Variants in ENPP6 observed in about 807,000 individuals in gnomAD.
ENPP6 encodes glycerophosphocholine cholinephosphodiesterase ENPP6.
Under a neutral mutation model 42.0 loss-of-function variants are expected in ENPP6, and 32 were observed. That is an observed-to-expected ratio of 0.76 (90% CI 0.58 to 1.02). ENPP6 has a LOEUF of 1.02. Ranked by LOEUF, ENPP6 falls within the 50% of genes least tolerant of loss-of-function variation. The probability of loss-of-function intolerance (pLI) is 0.00; values close to 1 mark genes in which losing one functional copy is unlikely to be tolerated. For missense variants in ENPP6, 552 were observed against 566.8 expected, an observed-to-expected ratio of 0.97 and a Z score of 0.27; for synonymous variants, 213 against 216.0, an observed-to-expected ratio of 0.99 and a Z score of 0.12.
intron 5 of ENPP6, 116 bp downstream of exon 5, chr4:184,116,740 A>G: frequency 4.3e-6 from 6 of 1,406,588 alleles, no homozygotes; most frequent in Non-Finnish European, 5.8e-6. Flanking sequence ...CCTCAAAAAA[A>G]GAAACAAACA....
chr4:184,117,158 C>T, intron 4 of ENPP6, 123 bp from the exon 5 acceptor site: 2 of 1,235,016 alleles, frequency 1.6e-6, no homozygotes, highest in Non-Finnish European at 2.3e-6. Flanking sequence ...TAATCTTCTA[C>T]TATTTTGCCC....
chr4:184,091,486 G>T, intron 7 of ENPP6, 104 bp from the exon 8 acceptor site: 1 of 1,083,626 alleles, frequency 9.2e-7, no homozygotes, highest in Non-Finnish European at 1.3e-6. Flanking sequence ...GTGACATTGA[G>T]ATTAGGGAAT....
chr4:184,124,926 C>T (rs1272464593), intron 2 of ENPP6, among the ~76,000 whole-genome samples: 1 of 152,202 alleles, frequency 6.6e-6, no homozygotes, highest in Non-Finnish European at 1.5e-5. Flanking sequence ...AGTAGTTGCT[C>T]TGCCGAGAAA....
At chr4:184,152,216 G>A (rs760427216) in intron 2 of ENPP6, among the ~76,000 whole-genome samples, 2 of 152,174 alleles carry the variant, frequency 1.3e-5, no homozygotes, top group African/African-American at 2.4e-5. Context: ...GCTGCCCTCC[G>A]CGGTCTCCGT....
chr4:184,131,179 T>TTCTGTCTGTCTGTCTG (rs763881677), intron 2 of ENPP6, among the ~76,000 whole-genome samples: 2 of 62,272 alleles, frequency 3.2e-5, no homozygotes, highest in African/African-American at 7.4e-5. Context: ...CTTTCTTTCT[T>TTCTGTCTGTCTGTCTG]TCTTTCTTTC....
chr4:184,217,657 T>A lies in ENPP6; in HGVS notation c.163A>T (p.Ser55Cys). Residue 55 changes from serine to cysteine, a missense_variant, in exon 1 of 8, where the codon AGC becomes TGC. By Grantham distance (112) the Ser-to-Cys change is moderately radical. Transcript: ENST00000296741. ...ESLPGFKEIV[S>C]RGVKVDYLTP... ...AAGTAATCCACTTTTACTCCCCTGC[T>A]CACAATCTCTTTGAAACCAGGCAAT... 1 of 1,614,216 alleles carries A rather than the reference T, an allele frequency of 6.2e-7. No homozygotes were observed. Among genetic ancestry groups the A allele is most frequent in the Non-Finnish European group, 8.5e-7 (1 of 1,180,042 alleles).
At chr4:184,201,113 C>T (rs187329592) in intron 1 of ENPP6, among the ~76,000 whole-genome samples, 11 of 152,246 alleles carry the variant, frequency 7.2e-5, no homozygotes, top group Non-Finnish European at 1.0e-4. Flanking sequence ...ACACAGCACG[C>T]GCGCCCCCAG....
chr4:184,157,440 TTTC>T (rs1412336117), intron 1 of ENPP6, among the ~76,000 whole-genome samples: 3 of 152,018 alleles, frequency 2.0e-5, no homozygotes, highest in East Asian at 1.9e-4. Flanking sequence ...CTTTTCTTTC[TTTC>T]TTTTCTTTCT....
At chr4:184,092,319 C>T (rs1409867474) in intron 7 of ENPP6, among the ~76,000 whole-genome samples, 1 of 152,090 alleles carries the variant, frequency 6.6e-6, no homozygotes, top group Non-Finnish European at 1.5e-5. Flanking sequence ...GAGCATTTTA[C>T]CAACAGATAA....
intron 2 of ENPP6, among the ~76,000 whole-genome samples, chr4:184,143,151 A>G (rs1036891943): frequency 1.3e-5 from 2 of 152,234 alleles, no homozygotes; most frequent in African/African-American, 4.8e-5. Context: ...GGATCACAGC[A>G]GACTGAACCT....
intron 1 of ENPP6, among the ~76,000 whole-genome samples, chr4:184,155,361 CA>C (rs1482807337): frequency 6.6e-6 from 1 of 152,204 alleles, no homozygotes; most frequent in Non-Finnish European, 1.5e-5. Flanking sequence ...TTTCACAAGG[CA>C]AAATAACCAT....
intron 1 of ENPP6, 53 bp downstream of exon 1, chr4:184,217,526 C>G: frequency 1.9e-6 from 3 of 1,604,674 alleles, no homozygotes; most frequent in Non-Finnish European, 2.6e-6. Flanking sequence ...CTCACTGTTC[C>G]CTGCTGGATG....
At chr4:184,092,068 A>T (rs1199140996) in intron 7 of ENPP6, among the ~76,000 whole-genome samples, 2 of 152,196 alleles carry the variant, frequency 1.3e-5, no homozygotes, top group Non-Finnish European at 2.9e-5. Context: ...CTTGCCCTTA[A>T]CCAAATTAAA....
At chr4:184,127,631 C>G (rs888081227) in intron 2 of ENPP6, among the ~76,000 whole-genome samples, 1 of 152,162 alleles carries the variant, frequency 6.6e-6, no homozygotes, top group African/African-American at 2.4e-5. Flanking sequence ...GTGCTGTGTG[C>G]CTGTATTCCC....
chr4:184,154,170 T>C (rs1737114779), intron 1 of ENPP6, among the ~76,000 whole-genome samples: 2 of 152,232 alleles, frequency 1.3e-5, no homozygotes, highest in South Asian at 4.1e-4. Flanking sequence ...CTTTCCTTTC[T>C]TAAATAAGAG....
At chr4:184,217,326 T>C (rs1216125276) in intron 1 of ENPP6, among the ~76,000 whole-genome samples, 2 of 152,222 alleles carry the variant, frequency 1.3e-5, no homozygotes, top group Non-Finnish European at 2.9e-5. Context: ...TCAAATATCA[T>C]GTACTGCTAT....
At chr4:184,191,528 C>T (rs958411530) in intron 1 of ENPP6, among the ~76,000 whole-genome samples, 19 of 152,158 alleles carry the variant, frequency 1.2e-4, no homozygotes, top group African/African-American at 3.6e-4. Flanking sequence ...GTGTTGAGAA[C>T]GCAGAGCGAT....
intron 6 of ENPP6, among the ~76,000 whole-genome samples, chr4:184,102,749 C>T (rs1736027133): frequency 6.6e-6 from 1 of 152,244 alleles, no homozygotes. Flanking sequence ...CAGTGTCGCT[C>T]CCTGCTGGAA....
intron 1 of ENPP6, among the ~76,000 whole-genome samples, chr4:184,188,883 T>C (rs1158293844): frequency 2.0e-5 from 3 of 152,176 alleles, no homozygotes; most frequent in Admixed American, 6.5e-5. Flanking sequence ...ACCCTGGCCC[T>C]ATTAACACTT....
Sources: gnomAD v4.1 joint callset for allele counts (sites outside exome capture counted in the v4.1 genomes callset) on GRCh38, gnomAD v4.1.1 for gene constraint, MANE v1.5 for transcripts, NCBI Gene and HGNC (gene_info 2026-07-23, HGNC 2026-07-21) for gene names.